GLRA2: variants seen among roughly 807,000 people sequenced by gnomAD.
GLRA2 encodes the protein glycine receptor alpha 2.
Under a neutral mutation model 31.6 loss-of-function variants are expected in GLRA2, and 11 were observed. That is an observed-to-expected ratio of 0.35 (90% CI 0.22 to 0.58). The LOEUF is 0.58. Among genes scored for constraint, GLRA2 ranks in the 20% least tolerant of loss-of-function variants. The pLI, the probability that GLRA2 is intolerant of heterozygous loss-of-function variation, is 0.84. For missense variants in GLRA2, 212 were observed against 351.8 expected (o/e 0.60, Z 3.18); for synonymous variants, 132 against 134.0 (o/e 0.99, Z 0.10).
the GLRA2 span, among the ~76,000 whole-genome samples, chrX:14,468,320 G>A: frequency 8.9e-6 from 1 of 111,892 alleles, no homozygotes; most frequent in Non-Finnish European, 1.9e-5. Flanking sequence ...CCAGTGTGAT[G>A]GGATGTTAAG....
At chrX:14,580,486 CAGA>C (rs1443154933) in intron 3 of GLRA2, among the ~76,000 whole-genome samples, 46 of 111,763 alleles carry the variant, frequency 4.1e-4, no homozygotes, top group Non-Finnish European at 6.4e-4. Flanking sequence ...AGAAAATTCC[CAGA>C]CCAAATGGGA....
At chrX:14,568,926 A>G (rs974029211) in intron 2 of GLRA2, among the ~76,000 whole-genome samples, 1 of 111,367 alleles carries the variant, frequency 9.0e-6, no homozygotes, top group Non-Finnish European at 1.9e-5. Context: ...ACCAAAGCAT[A>G]AGAAACAAAA....
chrX:14,686,195 G>C (rs780737746), intron 7 of GLRA2, among the ~76,000 whole-genome samples: 21 of 111,838 alleles, frequency 1.9e-4, no homozygotes, highest in East Asian at 2.8e-4. Flanking sequence ...AATGATTTCT[G>C]TTCTTTTACA....
chrX:14,660,044 G>A (rs1021642463), intron 7 of GLRA2, among the ~76,000 whole-genome samples: 5 of 111,368 alleles, frequency 4.5e-5, no homozygotes, highest in African/African-American at 1.6e-4. Context: ...TCTTCTTATA[G>A]GTTATATTCC....
At chrX:14,513,448 C>G in the GLRA2 span, among the ~76,000 whole-genome samples, 1 of 111,744 alleles carries the variant, frequency 8.9e-6, no homozygotes, top group East Asian at 2.8e-4. Context: ...AGCTTCTGCA[C>G]AGCAAAATAA....
At chrX:14,663,516 TACACACAC>T (rs751970033) in intron 7 of GLRA2, among the ~76,000 whole-genome samples, 2 of 104,039 alleles carry the variant, frequency 1.9e-5, no homozygotes, top group South Asian at 8.4e-4. Context: ...TAGAAAAGAT[TACACACAC>T]ACACACACAC....
chrX:14,494,118 G>C, the GLRA2 span, among the ~76,000 whole-genome samples: 1 of 111,208 alleles, frequency 9.0e-6, no homozygotes, highest in Admixed American at 9.6e-5. Context: ...AAGTTCAAAA[G>C]AAGGTAAAAC....
At chrX:14,534,169 A>G (rs2089293115) in intron 2 of GLRA2, among the ~76,000 whole-genome samples, 1 of 108,830 alleles carries the variant, frequency 9.2e-6, no homozygotes, top group African/African-American at 3.3e-5. Flanking sequence ...GTTCCAAAGG[A>G]TAAATAAATG....
At chrX:14,491,115 T>C in the GLRA2 span, among the ~76,000 whole-genome samples, 1 of 111,992 alleles carries the variant, frequency 8.9e-6, no homozygotes, top group Non-Finnish European at 1.9e-5. Flanking sequence ...CAGAAAATAA[T>C]ATATTTCTAG....
chrX:14,639,890 T>C (rs180990305), intron 7 of GLRA2, among the ~76,000 whole-genome samples: 110 of 112,490 alleles, frequency 9.8e-4, no homozygotes, highest in Non-Finnish European at 2.0e-3. Context: ...GCTACACAGA[T>C]GTTAAAAATA....
At chrX:14,647,179 A>G (rs2090840748) in intron 7 of GLRA2, among the ~76,000 whole-genome samples, 1 of 112,063 alleles carries the variant, frequency 8.9e-6, no homozygotes, top group Admixed American at 9.5e-5. Flanking sequence ...AGGAGCCAAG[A>G]GCCATTGGAA....
chrX:14,493,993 A>G, the GLRA2 span, among the ~76,000 whole-genome samples: 2 of 110,865 alleles, frequency 1.8e-5, no homozygotes, highest in Non-Finnish European at 3.8e-5. Context: ...TGTAACATAC[A>G]TGGGAATTAA....
intron 8 of GLRA2, among the ~76,000 whole-genome samples, chrX:14,706,379 C>T: frequency 8.9e-6 from 1 of 112,242 alleles, no homozygotes; most frequent in Non-Finnish European, 1.9e-5. Context: ...GCAATATGCA[C>T]AGTCTAAAAC....
At chrX:14,640,723 G>A (rs1050655684) in intron 7 of GLRA2, among the ~76,000 whole-genome samples, 1 of 111,431 alleles carries the variant, frequency 9.0e-6, no homozygotes, top group African/African-American at 3.3e-5. Flanking sequence ...ATGTATCTGT[G>A]TTGTTTGTAT....
intron 7 of GLRA2, among the ~76,000 whole-genome samples, chrX:14,669,796 G>T (rs1391939477): frequency 8.9e-6 from 1 of 111,835 alleles, no homozygotes; most frequent in Non-Finnish European, 1.9e-5. Flanking sequence ...TGTGATGGGA[G>T]GGGCTGCTGC....
intron 8 of GLRA2, among the ~76,000 whole-genome samples, chrX:14,729,464 T>G (rs1318989495): frequency 8.9e-6 from 1 of 111,784 alleles, no homozygotes; most frequent in Non-Finnish European, 1.9e-5. Context: ...AAATACAATT[T>G]TTCAGACTTT....
At chrX:14,493,800 T>C in the GLRA2 span, among the ~76,000 whole-genome samples, 21 of 102,692 alleles carry the variant, frequency 2.0e-4, no homozygotes, top group South Asian at 2.9e-3. Context: ...CACACACACA[T>C]ATATATGTTC....
chrX:14,464,978 T>A, the GLRA2 span, among the ~76,000 whole-genome samples: 3 of 112,307 alleles, frequency 2.7e-5, no homozygotes, highest in Non-Finnish European at 5.6e-5. Context: ...CTTTGACTAT[T>A]TGAGGTCTTT....
intron 7 of GLRA2, among the ~76,000 whole-genome samples, chrX:14,628,773 A>G (rs2090614782): frequency 8.9e-6 from 1 of 111,894 alleles, no homozygotes; most frequent in African/African-American, 3.2e-5. Context: ...AGAGGACAAA[A>G]GGGGAAATGG....
Sources: gnomAD v4.1 joint callset for allele counts (sites outside exome capture counted in the v4.1 genomes callset) on GRCh38, gnomAD v4.1.1 for gene constraint, MANE v1.5 for transcripts, NCBI Gene and HGNC (gene_info 2026-07-23, HGNC 2026-07-21) for gene names.